INTS4: variants seen among roughly 807,000 people sequenced by gnomAD.
The protein encoded by INTS4 is MSTP093.
In INTS4, 70 loss-of-function variants were observed where a neutral mutation model predicts 119.5. The ratio of observed to expected loss-of-function variants is 0.59; its 90% CI spans 0.48 to 0.71. The LOEUF (loss-of-function observed/expected upper bound fraction) is 0.71. Among genes scored for constraint, INTS4 ranks in the 30% least tolerant of loss-of-function variants. The pLI, the probability that INTS4 is intolerant of heterozygous loss-of-function variation, is 0.00. For missense variants in INTS4, 867 were observed against 1,173.2 expected, an observed-to-expected ratio of 0.74 and a Z score of 3.81; for synonymous variants, 316 against 419.6, an observed-to-expected ratio of 0.75 and a Z score of 3.02.
intron 10 of INTS4, among the ~76,000 whole-genome samples, chr11:77,937,307 G>A (rs1953821218): frequency 6.6e-6 from 1 of 151,982 alleles, no homozygotes; most frequent in South Asian, 2.1e-4. Flanking sequence ...ACTATACCCA[G>A]GCATATCATA....
intron 2 of INTS4, among the ~76,000 whole-genome samples, chr11:77,985,635 C>A (rs530027971): frequency 6.6e-6 from 1 of 152,188 alleles, no homozygotes; most frequent in Non-Finnish European, 1.5e-5. Context: ...ACTCAAGACT[C>A]AGATCAGGGA....
chr11:77,920,107 C>T (rs537554693), intron 14 of INTS4, among the ~76,000 whole-genome samples: 2 of 150,934 alleles, frequency 1.3e-5, no homozygotes, highest in East Asian at 3.9e-4. Context: ...CCGCACCTGG[C>T]CTCATTTTGT....
intron 3 of INTS4, among the ~76,000 whole-genome samples, chr11:77,979,560 A>G (rs1856111072): frequency 6.6e-6 from 1 of 152,094 alleles, no homozygotes; most frequent in Non-Finnish European, 1.5e-5. Context: ...TAAGTTCCTA[A>G]AGGGATCATG....
At chr11:77,903,389 C>T in intron 17 of INTS4, 151 bp downstream of exon 17, 6 of 1,600,006 alleles carry the variant, frequency 3.7e-6, no homozygotes, top group Non-Finnish European at 5.1e-6. Context: ...GGCCAAATCA[C>T]TCTGCTTCAA....
In INTS4 at chr11:77,933,633, G is replaced by A. The variant is rs1384789545; in HGVS notation, c.1165+5018C>T. 5.3e-5 allele frequency among the ~76,000 whole-genome samples: 8 copies of A among 152,288 alleles called. No homozygotes were observed. In the South Asian group the frequency reaches 1.5e-3, roughly 28 times the overall value. On this transcript the variant is annotated intron_variant, in intron 10 of 22. Coordinates refer to ENST00000534064, the MANE Select transcript of INTS4 (RefSeq NM_033547.4). Reference sequence around the variant, plus strand: ...CCAAAGTGCCGAGATTGCAGCCTCTGCCCGGCCGCCACCCCGTCTGGGAAG... The same window carrying A: ...CCAAAGTGCCGAGATTGCAGCCTCTACCCGGCCGCCACCCCGTCTGGGAAG...
chr11:77,895,819 A>G (rs1317256040), intron 18 of INTS4, among the ~76,000 whole-genome samples: 1 of 152,210 alleles, frequency 6.6e-6, no homozygotes, highest in Admixed American at 6.5e-5. Flanking sequence ...GTCAAAAAAG[A>G]GCAGGCATCC....
At chr11:77,959,841 C>T (rs1954420975) in intron 6 of INTS4, among the ~76,000 whole-genome samples, 1 of 152,146 alleles carries the variant, frequency 6.6e-6, no homozygotes, top group Non-Finnish European at 1.5e-5. Flanking sequence ...GAAATACAGC[C>T]TCATAAGGCC....
chr11:77,994,053 G>A (rs1856801206), intron 1 of INTS4, among the ~76,000 whole-genome samples: 1 of 152,034 alleles, frequency 6.6e-6, no homozygotes, highest in African/African-American at 2.4e-5. Flanking sequence ...TCTACCAATA[G>A]AGAGCTCTTC....
chr11:77,987,822 G>C, intron 2 of INTS4: 1 of 342,214 alleles, frequency 2.9e-6, no homozygotes, highest in Non-Finnish European at 5.8e-6. Context: ...TCAGTGGGCA[G>C]TGATCACGCC....
At chr11:77,958,224 T>A (rs558499333) in intron 7 of INTS4, among the ~76,000 whole-genome samples, 252 of 151,178 alleles carry the variant, frequency 1.7e-3, no homozygotes, top group African/African-American at 5.6e-3. Context: ...TATTTATAAA[T>A]AAAAGATAAA....
intron 21 of INTS4, among the ~76,000 whole-genome samples, chr11:77,888,743 C>T (rs1591009272): frequency 1.3e-5 from 2 of 152,220 alleles, no homozygotes; most frequent in African/African-American, 4.8e-5. Flanking sequence ...AAACAAACAA[C>T]CCCATCAAAA....
chr11:77,917,899 A>G, intron 15 of INTS4: 1 of 578,830 alleles, frequency 1.7e-6, no homozygotes. Context: ...CAGAATAAAG[A>G]CTGCATGTCC....
At chr11:77,961,172 A>T in intron 4 of INTS4, 34 bp from the exon 5 acceptor site, 1 of 1,523,572 alleles carries the variant, frequency 6.6e-7, no homozygotes, top group Non-Finnish European at 8.7e-7. Flanking sequence ...AAAAAAAGAA[A>T]AAGAAAAAAA....
chr11:77,878,948 C>G lies in INTS4; in HGVS notation c.*1G>C, dbSNP rs185402665. On this transcript the variant is annotated 3_prime_UTR_variant, in exon 23 of 23. Coordinates refer to ENST00000534064, the MANE Select transcript of INTS4 (RefSeq NM_033547.4). ...CCACGGTTGGGAAGACTGTTTTTGC[C>G]TTAGCGCCGTGCAGGTTTGGGCATT... The G allele has an allele frequency of 1.1e-5, 17 of 1,613,574 alleles. No individual in the cohort carries two copies. The African/African-American group carries it at 2.0e-4, about 19-fold the overall frequency.
intron 22 of INTS4, among the ~76,000 whole-genome samples, chr11:77,880,709 G>A (rs1381854864): frequency 6.6e-6 from 1 of 152,176 alleles, no homozygotes; most frequent in Non-Finnish European, 1.5e-5. Context: ...TATAATCCCA[G>A]CACTTTGGGA....
intron 8 of INTS4, among the ~76,000 whole-genome samples, chr11:77,942,246 A>G (rs1334082762): frequency 6.6e-6 from 1 of 152,232 alleles, no homozygotes; most frequent in Non-Finnish European, 1.5e-5. Context: ...ATACACATCT[A>G]GGAATGATGC....
At chr11:77,971,591 G>A (rs554682523) in intron 4 of INTS4, among the ~76,000 whole-genome samples, 3 of 152,130 alleles carry the variant, frequency 2.0e-5, no homozygotes, top group East Asian at 3.9e-4. Flanking sequence ...AGTGAGCCGA[G>A]GTCAAGCCAC....
chr11:77,980,542 C>T (rs942847219), intron 3 of INTS4, among the ~76,000 whole-genome samples: 2 of 152,074 alleles, frequency 1.3e-5, no homozygotes, highest in Admixed American at 6.6e-5. Flanking sequence ...CCATGTTTGG[C>T]TAATTTTTTA....
chr11:77,937,678 A>G (rs1953829360), intron 10 of INTS4, among the ~76,000 whole-genome samples: 1 of 152,148 alleles, frequency 6.6e-6, no homozygotes, highest in African/African-American at 2.4e-5. Context: ...CAGGAAGTCA[A>G]AGCTTCAGTG....
Sources: allele counts gnomAD v4.1 joint callset (sites outside exome capture counted in the v4.1 genomes callset), GRCh38; gene constraint gnomAD v4.1.1; transcripts MANE v1.5; gene names NCBI Gene and HGNC (gene_info 2026-07-23, HGNC 2026-07-21).